The following KHDC1 variants were observed in gnomAD, a reference collection of about 807,000 sequenced individuals.
KHDC1 encodes the protein KH homology domain-containing protein 1.
KHDC1 carries 21 observed loss-of-function variants against 24.7 expected under a neutral mutation model. The observed-to-expected ratio is 0.85, with a 90% CI of 0.60 to 1.23. The LOEUF is 1.23. Among genes scored for constraint, KHDC1 ranks in the 50% most tolerant of loss-of-function variants. KHDC1 has a pLI of 0.00. For missense variants in KHDC1, 274 were observed against 298.5 expected (o/e 0.92, Z 0.61); for synonymous variants, 98 against 111.7 (o/e 0.88, Z 0.77).
intron 2 of KHDC1, among the ~76,000 whole-genome samples, chr6:73,282,058 A>G (rs1767423162): frequency 6.6e-6 from 1 of 151,774 alleles, no homozygotes; most frequent in Non-Finnish European, 1.5e-5. Flanking sequence ...TCTCCACTAA[A>G]AATACAAAAA....
At chr6:73,278,005 G>A (rs1269949573) in intron 2 of KHDC1, among the ~76,000 whole-genome samples, 2 of 135,756 alleles carry the variant, frequency 1.5e-5, no homozygotes, top group African/African-American at 5.7e-5. Context: ...TCTCTCTCTC[G>A]GGTGTTTTTT....
At chr6:73,244,702 C>CA (rs1766632143) in intron 2 of KHDC1, among the ~76,000 whole-genome samples, 1 of 36,694 alleles carries the variant, frequency 2.7e-5, no homozygotes. Flanking sequence ...GGCGGGGGGG[C>CA]GGGGGGGGGC....
chr6:73,267,610 A>T (rs762481379), intron 2 of KHDC1, among the ~76,000 whole-genome samples: 3 of 152,236 alleles, frequency 2.0e-5, no homozygotes, highest in Non-Finnish European at 4.4e-5. Context: ...AAACAGTTTA[A>T]TTTGTCCTCA....
At chr6:73,307,984 C>A (rs1451445184) in intron 1 of KHDC1, among the ~76,000 whole-genome samples, 1 of 152,028 alleles carries the variant, frequency 6.6e-6, no homozygotes, top group Non-Finnish European at 1.5e-5. Flanking sequence ...CTTACTGCAA[C>A]CTCTGCCTCC....
rs571959560 is a variant in KHDC1 at position 73,285,685 on chromosome 6, G to A, written c.206+6313C>T. Among the ~76,000 whole-genome samples the A allele has an allele frequency of 4.0e-5, 6 of 149,992 alleles. No homozygotes were observed. The Admixed American group carries it at 4.0e-4, about 10-fold the overall frequency. On this transcript the variant is annotated intron_variant, in intron 2 of 4. Coordinates refer to ENST00000370384, the Ensembl canonical transcript of KHDC1. ...TTTTTTATTATACTCTAAGTTTTAGGGTACATGTGCATATTGTGCAGGTTA... is the reference window on the plus strand; with the variant it reads ...TTTTTTATTATACTCTAAGTTTTAGAGTACATGTGCATATTGTGCAGGTTA...
intron 1 of KHDC1, among the ~76,000 whole-genome samples, chr6:73,301,659 T>A (rs985941262): frequency 2.6e-5 from 4 of 152,134 alleles, no homozygotes; most frequent in African/African-American, 9.7e-5. Flanking sequence ...AGAGACAGTG[T>A]CTCACTCTCT....
At chr6:73,246,662 G>A (rs1286334672) in intron 2 of KHDC1, among the ~76,000 whole-genome samples, 3 of 152,076 alleles carry the variant, frequency 2.0e-5, no homozygotes, top group Non-Finnish European at 2.9e-5. Context: ...AAATAAACAA[G>A]AAGATTTTTT....
intron 2 of KHDC1, among the ~76,000 whole-genome samples, chr6:73,271,616 G>C (rs1157105243): frequency 6.6e-6 from 1 of 151,858 alleles, no homozygotes; most frequent in Non-Finnish European, 1.5e-5. Context: ...AGGTTAGGCT[G>C]GGTGCAGTGG....
intron 2 of KHDC1, among the ~76,000 whole-genome samples, chr6:73,254,501 A>C (rs1354097229): frequency 6.6e-6 from 1 of 150,520 alleles, no homozygotes; most frequent in Admixed American, 6.6e-5. Flanking sequence ...TAAATAAATA[A>C]ATAAATAAAT....
intron 2 of KHDC1, among the ~76,000 whole-genome samples, chr6:73,279,553 CAAT>C (rs1401335236): frequency 4.0e-5 from 6 of 148,948 alleles, no homozygotes; most frequent in Admixed American, 1.3e-4. Flanking sequence ...CCATTTGCCT[CAAT>C]GATAACATGG....
intron 2 of KHDC1, among the ~76,000 whole-genome samples, chr6:73,284,051 G>C (rs1014836248): frequency 6.6e-6 from 1 of 151,890 alleles, no homozygotes; most frequent in East Asian, 1.9e-4. Flanking sequence ...CTTGGGAGGA[G>C]TTTAATTTCT....
intron 2 of KHDC1, among the ~76,000 whole-genome samples, chr6:73,258,204 G>A (rs941505173): frequency 1.2e-4 from 18 of 152,226 alleles, no homozygotes; most frequent in Admixed American, 1.2e-3. Context: ...GCAGTGAGCT[G>A]AGATCGTGCC....
chr6:73,241,522 T>C (rs143460400), exon 5 of KHDC1: 2 of 1,613,318 alleles, frequency 1.2e-6, no homozygotes, highest in African/African-American at 2.7e-5. Flanking sequence ...GGGAGATCAG[T>C]CCTTAATTAC....
chr6:73,241,496 C>T, exon 5 of KHDC1: 1 of 1,599,970 alleles, frequency 6.3e-7, no homozygotes, highest in Non-Finnish European at 8.6e-7. Context: ...TTTCTCCTCT[C>T]ATCCCCACTT....
chr6:73,296,545 A>G (rs1197316247), intron 1 of KHDC1, among the ~76,000 whole-genome samples: 1 of 152,198 alleles, frequency 6.6e-6, no homozygotes, highest in Non-Finnish European at 1.5e-5. Flanking sequence ...CACAACTAGA[A>G]TGGTTATCAC....
At position 73,258,858 on chromosome 6, in the gene KHDC1, A is replaced by G. The variant is rs529566282; in HGVS notation, c.207-16328T>C. Among the ~76,000 whole-genome samples, 22 of 152,324 alleles carry G rather than the reference A, an allele frequency of 1.4e-4. No individual in the cohort carries two copies. In the East Asian group the frequency reaches 4.2e-3, roughly 29 times the overall value. On this transcript the variant is annotated intron_variant, in intron 2 of 4. Coordinates refer to ENST00000370384, the Ensembl canonical transcript of KHDC1. The stretch of plus-strand genomic sequence containing the variant: ...GGCTGTGAGCCTTCTGCCTTTCCCT[A>G]AGACACAGGTGAGCTGCTCATCCAG...
chr6:73,242,149 A>C, exon 4 of KHDC1: 1 of 1,614,142 alleles, frequency 6.2e-7, no homozygotes, highest in South Asian at 1.1e-5. Flanking sequence ...CAGTCACACG[A>C]GTCTGGCCTG....
intron 2 of KHDC1, among the ~76,000 whole-genome samples, chr6:73,255,981 G>A (rs1766874463): frequency 6.6e-6 from 1 of 150,994 alleles, no homozygotes; most frequent in South Asian, 2.1e-4. Context: ...AGCCATGATT[G>A]TCGAGCCTGA....
intron 2 of KHDC1, among the ~76,000 whole-genome samples, chr6:73,254,777 C>T (rs1316162263): frequency 1.3e-5 from 2 of 151,868 alleles, no homozygotes; most frequent in East Asian, 1.9e-4. Flanking sequence ...CCGAGGTGGG[C>T]GGATCACGAG....
Sources: allele counts gnomAD v4.1 joint callset (sites outside exome capture counted in the v4.1 genomes callset), GRCh38; gene constraint gnomAD v4.1.1; transcripts MANE v1.5; gene names NCBI Gene and HGNC (gene_info 2026-07-23, HGNC 2026-07-21).